OR51S1: variants seen among roughly 807,000 people sequenced by gnomAD.
OR51S1 encodes olfactory receptor family 51 subfamily S member 1.
A neutral mutation model predicts 0.3 loss-of-function variants in OR51S1; 1 was observed. That is an observed-to-expected ratio of 3.51 (90% CI 1.25 to 16.67). OR51S1 has a LOEUF of 16.67. OR51S1 is among the 30% of genes most tolerant of loss of function. The probability of loss-of-function intolerance (pLI) is 0.12; values close to 1 mark genes in which losing one functional copy is unlikely to be tolerated. For missense variants in OR51S1, 479 were observed against 393.8 expected, an observed-to-expected ratio of 1.22 and a Z score of -1.83; for synonymous variants, 180 against 159.4, an observed-to-expected ratio of 1.13 and a Z score of -0.97.
In OR51S1 at chr11:4,848,781, A is replaced by C. The variant is rs767764181; in HGVS notation, c.428T>G (p.Leu143Arg). The C allele has an allele frequency of 1.2e-6, 2 of 1,614,024 alleles. No individual in the cohort carries two copies. Among genetic ancestry groups the C allele is most frequent in the South Asian group, 1.1e-5 (1 of 91,046 alleles). Residue 143 changes from leucine to arginine, a missense_variant, in exon 1 of 1, where the codon CTC becomes CGC. Transcript: ENST00000322101. Reference protein sequence around the residue: ...AICRPLHYPALLTNGVISKIS... With the variant: ...AICRPLHYPARLTNGVISKIS... The stretch of plus-strand genomic sequence containing the variant: ...TTTGCTAATTACACCATTGGTGAGG[A>C]GCGCTGGGTAGTGGAGAGGTCGGCA...
chr11:4,849,187 T>C lies in OR51S1; in HGVS notation c.22A>G (p.Ile8Val). The C allele has an allele frequency of 6.2e-7, 1 of 1,611,534 alleles. No homozygotes were observed. Among genetic ancestry groups the C allele is most frequent in the South Asian group, 1.1e-5 (1 of 90,794 alleles). ...ATTGAAGTGCTGCTATTGGGGGCTA[T>C]CTGAGTTGGTAATGTTGACATAGTT... MSTLPTQ[I>V]APNSSTSMAP... Residue 8 changes from isoleucine (I) to valine (V), a missense_variant, in exon 1 of 1, where the codon ATA becomes GTA. Transcript: ENST00000322101.
Position 4,848,933 on chromosome 11 carries a change from G to A in OR51S1, c.276C>T (p.Ile92=), listed in dbSNP as rs141795519. 34 of 1,613,940 alleles carry A rather than the reference G, an allele frequency of 2.1e-5. No homozygotes were observed. In the Middle Eastern group the frequency reaches 8.2e-4, roughly 39 times the overall value. ...GGACAGTGTGAGCACCAGCAAGGGC[G>A]ATGCCCAGCAGTGTGGGCATCAGGG... The part of the protein sequence containing the change: ...VTALMPTLLG[I]ALAGAHTVPA... Residue 92 remains isoleucine, a synonymous_variant, in exon 1 of 1, where the codon ATC becomes ATT. Transcript: ENST00000322101.
In OR51S1 at chr11:4,848,849, G is replaced by A. The variant is rs868019894; in HGVS notation, c.360C>T (p.Ser120=). Residue 120 remains serine (S), a synonymous_variant, in exon 1 of 1, where the codon TCC becomes TCT. Transcript: ENST00000322101. ...CAATGGACATGGCGAGCAAGACAGA[G>A]GACTCCATGACAGAAAAGACATGGA... ...VFIHVFSVME[S]SVLLAMSIDR... 17 of 1,614,076 alleles carry A rather than the reference G, an allele frequency of 1.1e-5. No individual in the cohort carries two copies. The highest frequency in any genetic ancestry group is 1.4e-5 in the Non-Finnish European group (17 of 1,180,038).
chr11:4,848,676 A>C lies in OR51S1; in HGVS notation c.533T>G (p.Leu178Arg), dbSNP rs7117260. 956,966 of 1,613,648 alleles carry C rather than the reference A, an allele frequency of 0.59. 294,163 individuals are homozygous for C. The highest frequency in any genetic ancestry group is 0.71 in the Middle Eastern group (4,317 of 6,052). The change falls in exon 1 of 1, where the codon CTC becomes CGC. Residue 178 changes from leucine (L) to arginine (R), a missense_variant. Transcript: ENST00000322101. ...PFLLAYMPYCLPQVLTHSYCL... is the reference protein window; with the variant it reads ...PFLLAYMPYCRPQVLTHSYCL... ...ATAAGAATGGGTTAGGACCTGTGGGAGGCAGTAGGGCATGTAGGCCAGCAG... is the reference window on the plus strand; with the variant it reads ...ATAAGAATGGGTTAGGACCTGTGGGCGGCAGTAGGGCATGTAGGCCAGCAG...
In OR51S1 at chr11:4,848,927, A is replaced by G; in HGVS notation, c.282T>C (p.Leu94=). 6.2e-7 allele frequency: 1 copy of G among 1,614,044 alleles called. No individual in the cohort carries two copies. Among genetic ancestry groups the G allele is most frequent in the Non-Finnish European group, 8.5e-7 (1 of 1,179,968 alleles). ...ALMPTLLGIA[L]AGAHTVPASA... ...AGGCAGGGACAGTGTGAGCACCAGCAAGGGCGATGCCCAGCAGTGTGGGCA... is the reference window on the plus strand; with the variant it reads ...AGGCAGGGACAGTGTGAGCACCAGCGAGGGCGATGCCCAGCAGTGTGGGCA... Residue 94 remains leucine (L), a synonymous_variant, in exon 1 of 1, where the codon CTT becomes CTC. Transcript: ENST00000322101.
At position 4,848,350 on chromosome 11, in the gene OR51S1, G is replaced by A. The variant is rs763278327; in HGVS notation, c.859C>T (p.His287Tyr). 2 of 1,614,000 alleles carry A rather than the reference G, an allele frequency of 1.2e-6. No homozygotes were observed. Among genetic ancestry groups the A allele is most frequent in the East Asian group, 2.2e-5 (1 of 44,884 alleles). The stretch of plus-strand genomic sequence containing the variant: ...TTTATCAATGGAGGAAGAAGGAAAT[G>A]GACATAGGATAGAAGAGTATGGGTA... ...QHTHTLLSYV[H>Y]FLLPPLINPI... Residue 287 changes from histidine (H) to tyrosine (Y), a missense_variant, in exon 1 of 1, where the codon CAT becomes TAT. His to Tyr is a moderately conservative substitution (Grantham distance 83, BLOSUM62 2). Coordinates refer to ENST00000322101, the MANE Select transcript of OR51S1 (RefSeq NM_001004758.1).
chr11:4,848,313 T>A lies in OR51S1; in HGVS notation c.896A>T (p.Tyr299Phe). ...LLPPLINPIL[Y>F]SVKMKEIRKR... ...TCTAATCTCCTTCATCTTGACACTA[T>A]AGAGAATAGGGTTTATCAATGGAGG... Residue 299 changes from tyrosine to phenylalanine, a missense_variant, in exon 1 of 1, where the codon TAT becomes TTT. By Grantham distance (22) the Tyr-to-Phe change is conservative. Coordinates refer to ENST00000322101, the MANE Select transcript of OR51S1 (RefSeq NM_001004758.1). 1 of 1,613,974 alleles carries A rather than the reference T, an allele frequency of 6.2e-7. No individual in the cohort carries two copies. Among genetic ancestry groups the A allele is most frequent in the Non-Finnish European group, 8.5e-7 (1 of 1,179,938 alleles).
Position 4,848,860 on chromosome 11 carries a change from C to T in OR51S1, c.349G>A (p.Val117Ile), listed in dbSNP as rs1849926245. 1.2e-6 allele frequency: 2 copies of T among 1,614,180 alleles called. No homozygotes were observed. Among genetic ancestry groups the T allele is most frequent in the East Asian group, 4.5e-5 (2 of 44,882 alleles). Residue 117 changes from valine to isoleucine, a missense_variant, in exon 1 of 1, where the codon GTC becomes ATC. Coordinates refer to ENST00000322101, the MANE Select transcript of OR51S1 (RefSeq NM_001004758.1). ...GCGAGCAAGACAGAGGACTCCATGA[C>T]AGAAAAGACATGGATAAAAACCATC... ...LQMVFIHVFS[V>I]MESSVLLAMS... is the part of the protein sequence containing the mutation.
rs756698701 is a variant in OR51S1, at chr11:4,848,522, G to T, written c.687C>A (p.Gly229=). Residue 229 remains glycine, a synonymous_variant, in exon 1 of 1, where the codon GGC becomes GGA. Transcript: ENST00000322101. ...TGGACTCCACACCTTGCAACACCTT[G>T]CCAATCAGGCCATAGGAGAAGAAAA... ...LLIFFSYGLI[G]KVLQGVESRE... 6.2e-6 allele frequency: 10 copies of T among 1,613,254 alleles called. No individual in the cohort carries two copies. The highest frequency in any genetic ancestry group is 4.0e-5 in the African/African-American group (3 of 74,860).
chr11:4,848,846 A>T lies in OR51S1; in HGVS notation c.363T>A (p.Ser121=), dbSNP rs1406507168. 6.2e-7 allele frequency: 1 copy of T among 1,614,226 alleles called. No homozygotes were observed. Among genetic ancestry groups the T allele is most frequent in the East Asian group, 2.2e-5 (1 of 44,888 alleles). The change falls in exon 1 of 1, where the codon TCT becomes TCA. Residue 121 remains serine (S), a synonymous_variant. Transcript: ENST00000322101. The part of the protein sequence containing the change: ...FIHVFSVMES[S]VLLAMSIDRA... ...GATCAATGGACATGGCGAGCAAGAC[A>T]GAGGACTCCATGACAGAAAAGACAT...
chr11:4,848,677 G>A lies in OR51S1; in HGVS notation c.532C>T (p.Leu178Phe), dbSNP rs758868363. Residue 178 changes from leucine to phenylalanine, a missense_variant, in exon 1 of 1, where the codon CTC (leucine) becomes TTC (phenylalanine). Coordinates refer to ENST00000322101, the MANE Select transcript of OR51S1 (RefSeq NM_001004758.1). ...TAAGAATGGGTTAGGACCTGTGGGA[G>A]GCAGTAGGGCATGTAGGCCAGCAGG... is the stretch of plus-strand genomic sequence containing the variant. ...PFLLAYMPYC[L>F]PQVLTHSYCL... 9.9e-6 allele frequency: 16 copies of A among 1,614,008 alleles called. No individual in the cohort carries two copies. The highest frequency in any genetic ancestry group is 1.3e-5 in the Non-Finnish European group (15 of 1,179,948).
rs561122104 is a variant in OR51S1, at chr11:4,848,871, T to G, written c.338A>C (p.His113Pro). Residue 113 changes from histidine to proline, a missense_variant, in exon 1 of 1, where the codon CAT (histidine) becomes CCT (proline). Physicochemically the swap from His to Pro is moderately conservative, Grantham distance 77. Transcript: ENST00000322101. ...SACLLQMVFI[H>P]VFSVMESSVL... ...AGAGGACTCCATGACAGAAAAGACA[T>G]GGATAAAAACCATCTGTAGAAGGCA... 6.2e-7 allele frequency: 1 copy of G among 1,614,032 alleles called. No individual in the cohort carries two copies. The highest frequency in any genetic ancestry group is 8.5e-7 in the Non-Finnish European group (1 of 1,180,008).
Position 4,848,323 on chromosome 11 carries a change from G to T in OR51S1, c.886C>A (p.Pro296Thr), listed in dbSNP as rs1386668303. ...TTCATCTTGACACTATAGAGAATAG[G>T]GTTTATCAATGGAGGAAGAAGGAAA... ...VHFLLPPLIN[P>T]ILYSVKMKEI... Residue 296 changes from proline (P) to threonine (T), a missense_variant, in exon 1 of 1, where the codon CCT becomes ACT. Pro to Thr is a conservative substitution (Grantham distance 38). Transcript: ENST00000322101. The T allele has an allele frequency of 3.7e-6, 6 of 1,613,866 alleles. No individual in the cohort carries two copies. The African/African-American group carries it at 4.0e-5, about 11-fold the overall frequency.
rs1849927082 is a variant in OR51S1 at position 4,848,887 on chromosome 11, G to A, written c.322C>T (p.Gln108Ter). Residue 108 changes from glutamine to a stop codon, truncating the protein, a stop_gained, in exon 1 of 1, where the codon CAG (glutamine) becomes TAG (stop). Coordinates refer to ENST00000322101, the MANE Select transcript of OR51S1 (RefSeq NM_001004758.1). LOFTEE classifies it low-confidence loss of function (END_TRUNC). Reference protein sequence around the residue: ...HTVPASACLLQMVFIHVFSVM... With the variant: ...HTVPASACLL The stretch of plus-strand genomic sequence containing the variant: ...GAAAAGACATGGATAAAAACCATCT[G>A]TAGAAGGCAGGCTGAGGCAGGGACA... 6 of 1,614,170 alleles carry A rather than the reference G, an allele frequency of 3.7e-6. No homozygotes were observed. In the South Asian group the frequency reaches 5.5e-5, roughly 15 times the overall value.
In OR51S1 at chr11:4,849,125, T is replaced by A. The variant is rs950027883; in HGVS notation, c.84A>T (p.Leu28=). The A allele has an allele frequency of 6.2e-7, 1 of 1,614,134 alleles. No individual in the cohort carries two copies. Among genetic ancestry groups the A allele is most frequent in the African/African-American group, 1.3e-5 (1 of 75,032 alleles). ...ATGTCCACCAGGAGGGTGCACCTGA[T>A]AGGCCTGGCATGCCCACCAGCAAGA... ...PTFLLVGMPG[L]SGAPSWWTLP... Residue 28 remains leucine (L), a synonymous_variant, in exon 1 of 1, where the codon CTA becomes CTT. Transcript: ENST00000322101.
At position 4,848,951 on chromosome 11, in the gene OR51S1, C is replaced by T; in HGVS notation, c.258G>A (p.Met86Ile). The T allele has an allele frequency of 1.2e-6, 2 of 1,614,030 alleles. No individual in the cohort carries two copies. Among genetic ancestry groups the T allele is most frequent in the Non-Finnish European group, 1.7e-6 (2 of 1,179,976 alleles). The change falls in exon 1 of 1, where the codon ATG (methionine) becomes ATA (isoleucine). Residue 86 changes from methionine (M) to isoleucine (I), a missense_variant. Met to Ile is a conservative substitution (Grantham distance 10). Coordinates refer to ENST00000322101, the MANE Select transcript of OR51S1 (RefSeq NM_001004758.1). Reference sequence around the variant, plus strand: ...CAAGGGCGATGCCCAGCAGTGTGGGCATCAGGGCAGTGACCAATCCAATAT... The same window carrying T: ...CAAGGGCGATGCCCAGCAGTGTGGGTATCAGGGCAGTGACCAATCCAATAT... The part of the protein sequence containing the change: ...VSDIGLVTAL[M>I]PTLLGIALAG...
At position 4,848,694 on chromosome 11, in the gene OR51S1, G is replaced by A; in HGVS notation, c.515C>T (p.Ala172Val). ...CTGTGGGAGGCAGTAGGGCATGTAG[G>A]CCAGCAGGAATGGCAGGGGCAGATG... ...GLHLPLPFLLAYMPYCLPQVL... is the reference protein window; with the variant it reads ...GLHLPLPFLLVYMPYCLPQVL... The change falls in exon 1 of 1, where the codon GCC becomes GTC. Residue 172 changes from alanine to valine, a missense_variant. Physicochemically the swap from Ala to Val is moderately conservative, Grantham distance 64 (BLOSUM62 0). Transcript: ENST00000322101. The A allele has an allele frequency of 6.2e-7, 1 of 1,614,090 alleles. No individual in the cohort carries two copies. The highest frequency in any genetic ancestry group is 8.5e-7 in the Non-Finnish European group (1 of 1,179,998).
Position 4,848,506 on chromosome 11 carries a change from C to T in OR51S1, c.703G>A (p.Val235Met). Reference sequence around the variant, plus strand: ...TTCCAGCGATCCTCTCTGGACTCCACACCTTGCAACACCTTGCCAATCAGG... The same window carrying T: ...TTCCAGCGATCCTCTCTGGACTCCATACCTTGCAACACCTTGCCAATCAGG... ...YGLIGKVLQG[V>M]ESREDRWKAG... The change falls in exon 1 of 1, where the codon GTG becomes ATG. Residue 235 changes from valine (V) to methionine (M), a missense_variant. By Grantham distance (21) the Val-to-Met change is conservative. Transcript: ENST00000322101. 1.2e-6 allele frequency: 2 copies of T among 1,613,478 alleles called. No homozygotes were observed. The highest frequency in any genetic ancestry group is 1.7e-6 in the Non-Finnish European group (2 of 1,179,694).
Position 4,849,129 on chromosome 11 carries a change from C to G in OR51S1, c.80G>C (p.Gly27Ala). The change falls in exon 1 of 1, where the codon GGC becomes GCC. Residue 27 changes from glycine (G) to alanine (A), a missense_variant. Coordinates refer to ENST00000322101, the MANE Select transcript of OR51S1 (RefSeq NM_001004758.1). Reference sequence around the variant, plus strand: ...CCACCAGGAGGGTGCACCTGATAGGCCTGGCATGCCCACCAGCAAGAAGGT... The same window carrying G: ...CCACCAGGAGGGTGCACCTGATAGGGCTGGCATGCCCACCAGCAAGAAGGT... The part of the protein sequence containing the change: ...APTFLLVGMP[G>A]LSGAPSWWTL... 1.9e-6 allele frequency: 3 copies of G among 1,614,090 alleles called. No homozygotes were observed. The highest frequency in any genetic ancestry group is 2.5e-6 in the Non-Finnish European group (3 of 1,179,992).
Sources: allele counts gnomAD v4.1 joint callset, GRCh38; gene constraint gnomAD v4.1.1; transcripts MANE v1.5; gene names NCBI Gene and HGNC (gene_info 2026-07-23, HGNC 2026-07-21).